The following SLC25A15 variants were observed in gnomAD, a reference collection of about 807,000 sequenced individuals.
SLC25A15 encodes the protein mitochondrial ornithine transporter 1.
A neutral mutation model predicts 32.3 loss-of-function variants in SLC25A15; 24 were observed. That is an observed-to-expected ratio of 0.74 (90% confidence interval 0.54 to 1.04). SLC25A15 has a LOEUF of 1.04. SLC25A15 is among the 50% of genes least tolerant of loss of function. The probability of loss-of-function intolerance (pLI) is 0.00; values close to 1 mark genes in which losing one functional copy is unlikely to be tolerated. For synonymous variants in SLC25A15, 132 were observed against 142.1 expected (o/e 0.93, Z 0.51); for missense variants, 317 against 374.5 (o/e 0.85, Z 1.27).
At chr13:40,802,226 C>T (rs1477979439) in intron 3 of SLC25A15, 4 of 152,286 alleles carry the variant, frequency 2.6e-5, no homozygotes, top group African/African-American at 9.6e-5. Flanking sequence ...TTCTAACAAG[C>T]TGCTAAGGAG....
chr13:40,802,194 C>T (rs1464765064), intron 3 of SLC25A15: 1 of 152,258 alleles, frequency 6.6e-6, no homozygotes, highest in Non-Finnish European at 1.5e-5. Context: ...TGCAAGACAA[C>T]AGAAACCATT....
chr13:40,805,161 G>A lies in SLC25A15; in HGVS notation c.358G>A (p.Ala120Thr), dbSNP rs1261107797. ...CGCCGGTTCCTTCGCCTCTGCCTTT[G>A]CTGCACTGGTGCTCTGCCCCACGGA... ...AAAGSFASAF[A>T]ALVLCPTELV... Residue 120 changes from alanine (A) to threonine (T), a missense_variant, in exon 4 of 7, where the codon GCT becomes ACT. By Grantham distance (58) the Ala-to-Thr change is moderately conservative. Transcript: ENST00000338625. 1.9e-6 allele frequency: 3 copies of A among 1,614,194 alleles called. No individual in the cohort carries two copies. The highest frequency in any genetic ancestry group is 1.7e-5 in the Admixed American group (1 of 60,028).
In SLC25A15 at chr13:40,811,857, T is replaced by G. The variant is rs117823875; in HGVS notation, c.*2190T>G. ...TCCAGGTTCCTTAAGCTTTTTGCTGTCCATGAATCCTCTGTGGCAACTGTA... is the reference window on the plus strand; with the variant it reads ...TCCAGGTTCCTTAAGCTTTTTGCTGGCCATGAATCCTCTGTGGCAACTGTA... On this transcript the variant is annotated 3_prime_UTR_variant, in exon 7 of 7. Transcript: ENST00000338625. Among the ~76,000 whole-genome samples the G allele has an allele frequency of 6.6e-6, 1 of 152,318 alleles. No homozygotes were observed. Among genetic ancestry groups the G allele is most frequent in the East Asian group, 1.9e-4 (1 of 5,194 alleles).
intron 4 of SLC25A15, among the ~76,000 whole-genome samples, chr13:40,806,114 C>T (rs145876669): frequency 6.6e-6 from 1 of 152,252 alleles, no homozygotes; most frequent in African/African-American, 2.4e-5. Flanking sequence ...TCATTACAGC[C>T]AACTTGAATC....
rs1278578445 is a variant in SLC25A15 at position 40,807,346 on chromosome 13, T to C, written c.505T>C (p.Phe169Leu). 1.2e-6 allele frequency: 2 copies of C among 1,614,074 alleles called. No individual in the cohort carries two copies. Among genetic ancestry groups the C allele is most frequent in the Non-Finnish European group, 1.7e-6 (2 of 1,179,950 alleles). The change falls in exon 5 of 7, where the codon TTC (phenylalanine) becomes CTC (leucine). Residue 169 changes from phenylalanine (F) to leucine (L), a missense_variant. By Grantham distance (22) the Phe-to-Leu change is conservative. Coordinates refer to ENST00000338625, the MANE Select transcript of SLC25A15 (RefSeq NM_014252.4). ...TCTTAGGAAAGATGGCCCCTTGGGG[T>C]TCTACCATGGACTCTCAAGCACTTT... ...SILRKDGPLG[F>L]YHGLSSTLLR...
chr13:40,796,018 G>C (rs1169095518), intron 2 of SLC25A15, among the ~76,000 whole-genome samples: 3 of 152,142 alleles, frequency 2.0e-5, no homozygotes, highest in African/African-American at 7.2e-5. Flanking sequence ...GGGTTAGTTT[G>C]GAGCCTTTGG....
intron 3 of SLC25A15, among the ~76,000 whole-genome samples, chr13:40,801,062 G>A (rs1328961121): frequency 6.6e-5 from 10 of 151,888 alleles, no homozygotes; most frequent in Admixed American, 1.3e-4. Context: ...GCAAAACCCC[G>A]TCACTACAAA....
Position 40,807,317 on chromosome 13 carries a change from G to C in SLC25A15, c.476G>C (p.Ser159Thr). 1.9e-6 allele frequency: 3 copies of C among 1,614,116 alleles called. No homozygotes were observed. Among genetic ancestry groups the C allele is most frequent in the Non-Finnish European group, 2.5e-6 (3 of 1,179,998 alleles). The change falls in exon 5 of 7, where the codon AGT becomes ACT. Residue 159 changes from serine to threonine, a missense_variant. Ser to Thr is a moderately conservative substitution (Grantham distance 58). Coordinates refer to ENST00000338625, the MANE Select transcript of SLC25A15 (RefSeq NM_014252.4). ...AGTACAGTGTGGTCTGTCATCAAAA[G>C]TATTCTTAGGAAAGATGGCCCCTTG... is the stretch of plus-strand genomic sequence containing the variant. ...SQNTVWSVIKSILRKDGPLGF... is the reference protein window; with the variant it reads ...SQNTVWSVIKTILRKDGPLGF...
intron 4 of SLC25A15, among the ~76,000 whole-genome samples, chr13:40,805,473 A>T (rs958345536): frequency 6.6e-6 from 1 of 152,230 alleles, no homozygotes; most frequent in Admixed American, 6.5e-5. Context: ...CAGATATTTA[A>T]TACCCCAGAA....
intron 1 of SLC25A15, among the ~76,000 whole-genome samples, chr13:40,792,927 G>T (rs142986662): frequency 6.6e-6 from 1 of 152,356 alleles, no homozygotes; most frequent in Non-Finnish European, 1.5e-5. Context: ...AGAAAGGTCA[G>T]TTGAAGTGCT....
chr13:40,793,785 C>G (rs750204661), intron 2 of SLC25A15, among the ~76,000 whole-genome samples: 33 of 152,192 alleles, frequency 2.2e-4, no homozygotes, highest in Non-Finnish European at 3.4e-4. Context: ...GTAGCAGAAG[C>G]TAGAGGAGTG....
Position 40,810,045 on chromosome 13 carries a change from C to A in SLC25A15, c.*378C>A. 3.5e-6 allele frequency: 1 copy of A among 284,642 alleles called. No individual in the cohort carries two copies. The highest frequency in any genetic ancestry group is 6.8e-6 in the Non-Finnish European group (1 of 146,714). The allele number at this position is 284,642 out of a possible 1,614,324, so 17.6% of individuals were successfully genotyped here. The stretch of plus-strand genomic sequence containing the variant: ...ATACAGTTTGGTACCTTGTTTATTT[C>A]AAATATCAGAAAAACCCAGAGGTGA... On this transcript the variant is annotated 3_prime_UTR_variant, in exon 7 of 7. Transcript: ENST00000338625.
intron 6 of SLC25A15, among the ~76,000 whole-genome samples, chr13:40,809,328 C>G (rs1882345186): frequency 6.6e-6 from 1 of 152,202 alleles, no homozygotes; most frequent in Non-Finnish European, 1.5e-5. Flanking sequence ...GGGTATGTTA[C>G]CTGAGCATCA....
intron 2 of SLC25A15, chr13:40,798,716 A>C: frequency 1.0e-6 from 1 of 973,718 alleles, no homozygotes; most frequent in Non-Finnish European, 1.2e-6. Context: ...GCTGAGGCTC[A>C]GAAGTTACAT....
intron 4 of SLC25A15, among the ~76,000 whole-genome samples, chr13:40,806,927 T>C (rs992389854): frequency 2.6e-5 from 4 of 152,230 alleles, no homozygotes; most frequent in Non-Finnish European, 5.9e-5. Context: ...TTCTCAGAAT[T>C]TGTCTTGTCT....
intron 2 of SLC25A15, among the ~76,000 whole-genome samples, chr13:40,794,772 T>C (rs1447062707): frequency 6.6e-6 from 1 of 152,098 alleles, no homozygotes; most frequent in African/African-American, 2.4e-5. Context: ...TGCCCAGTGC[T>C]GTCCTTATCC....
intron 4 of SLC25A15, among the ~76,000 whole-genome samples, chr13:40,805,993 T>C (rs1882158208): frequency 6.6e-6 from 1 of 152,228 alleles, no homozygotes; most frequent in African/African-American, 2.4e-5. Context: ...ACTCAAAGCC[T>C]ATAAATCTGC....
intron 5 of SLC25A15, among the ~76,000 whole-genome samples, chr13:40,807,793 A>G (rs1284737798): frequency 2.6e-5 from 4 of 152,236 alleles, no homozygotes; most frequent in Non-Finnish European, 5.9e-5. Flanking sequence ...CCTATAAATA[A>G]TCTTGAAATA....
chr13:40,806,048 C>T (rs1156555367), intron 4 of SLC25A15, among the ~76,000 whole-genome samples: 2 of 152,100 alleles, frequency 1.3e-5, no homozygotes, highest in Admixed American at 6.5e-5. Context: ...AGGATCAGTC[C>T]CCACTCAGTG....
Sources: allele counts gnomAD v4.1 joint callset (sites outside exome capture counted in the v4.1 genomes callset), GRCh38; gene constraint gnomAD v4.1.1; transcripts MANE v1.5; gene names NCBI Gene and HGNC (gene_info 2026-07-23, HGNC 2026-07-21).